Variants in KREMEN1 observed in about 807,000 individuals in gnomAD.
KREMEN1 encodes kremen protein 1.
A neutral mutation model predicts 46.5 loss-of-function variants in KREMEN1; 30 were observed. The observed-to-expected ratio is 0.65, with a 90% confidence interval of 0.48 to 0.88. KREMEN1 has a LOEUF of 0.88. KREMEN1 is among the 40% of genes least tolerant of loss of function. KREMEN1 has a pLI of 0.00. For missense variants in KREMEN1, 533 were observed against 596.9 expected, an observed-to-expected ratio of 0.89 and a Z score of 1.11; for synonymous variants, 214 against 230.6, an observed-to-expected ratio of 0.93 and a Z score of 0.65.
At position 29,133,302 on chromosome 22, in the gene KREMEN1, A is replaced by G. The variant is rs568236916; in HGVS notation, c.632-4040A>G. 1.5e-3 allele frequency among the ~76,000 whole-genome samples: 227 copies of G among 151,370 alleles called. 1 individual carries two copies. Among genetic ancestry groups the G allele is most frequent in the African/African-American group, 5.0e-3 (206 of 41,276 alleles). ...ATTTTATCTTTGGTTTTGGTTTTCA[A>G]CTTTTTTTTTTTTTTGAGACAGGGT... On this transcript the variant is annotated intron_variant, in intron 5 of 8. Transcript: ENST00000400335.
chr22:29,111,946 A>G (rs1385030098), intron 3 of KREMEN1, among the ~76,000 whole-genome samples: 2 of 152,188 alleles, frequency 1.3e-5, no homozygotes, highest in Non-Finnish European at 2.9e-5. Flanking sequence ...AACTCATTCA[A>G]GCTAACTTGA....
intron 9 of KREMEN1, among the ~76,000 whole-genome samples, chr22:29,164,745 TCAAAAAAAAAA>T (rs2039038890): frequency 4.8e-5 from 1 of 20,626 alleles, no homozygotes; most frequent in Admixed American, 6.9e-4. Context: ...AAACTCCATC[TCAAAAAAAAAA>T]CAAAAAAAAA....
chr22:29,132,978 G>A (rs181330663), intron 5 of KREMEN1, among the ~76,000 whole-genome samples: 1 of 152,290 alleles, frequency 6.6e-6, no homozygotes, highest in African/African-American at 2.4e-5. Context: ...GCCGGATGTG[G>A]TGGCTCATGC....
intron 4 of KREMEN1, among the ~76,000 whole-genome samples, chr22:29,123,096 C>T (rs1410416708): frequency 6.6e-6 from 1 of 151,344 alleles, no homozygotes; most frequent in African/African-American, 2.4e-5. Flanking sequence ...AATTATAAAA[C>T]TTCTAGAAGA....
intron 4 of KREMEN1, among the ~76,000 whole-genome samples, chr22:29,122,546 C>G (rs2038372103): frequency 1.3e-5 from 2 of 152,262 alleles, no homozygotes; most frequent in African/African-American, 4.8e-5. Context: ...TAGCTCCAAA[C>G]TGTAAATAAT....
chr22:29,152,982 A>G (rs1396441390), intron 9 of KREMEN1, among the ~76,000 whole-genome samples: 2 of 152,230 alleles, frequency 1.3e-5, no homozygotes, highest in African/African-American at 4.8e-5. Flanking sequence ...ATGATATACT[A>G]AACAAGGGAT....
chr22:29,102,682 G>T lies in KREMEN1; in HGVS notation c.352+3729G>T, dbSNP rs8140459. On this transcript the variant is annotated intron_variant, in intron 3 of 8. Coordinates refer to ENST00000400335, the MANE Select transcript of KREMEN1 (RefSeq NM_001039570.3). ...GAATTATAACAAAATGCTATAAACC[G>T]CTTAGTATGCCTCTAATTTGTAATA... Among the ~76,000 whole-genome samples the T allele has an allele frequency of 8.7e-3, 1,321 of 152,214 alleles. 13 individuals carry two copies. Among genetic ancestry groups the T allele is most frequent in the African/African-American group, 0.03 (1,263 of 41,546 alleles).
At chr22:29,077,845 T>C (rs1234307053) in intron 1 of KREMEN1, among the ~76,000 whole-genome samples, 1 of 152,238 alleles carries the variant, frequency 6.6e-6, no homozygotes, top group Non-Finnish European at 1.5e-5. Flanking sequence ...AACTTTAAGA[T>C]ACATATGGGA....
chr22:29,157,483 A>C (rs1479855591), intron 9 of KREMEN1, among the ~76,000 whole-genome samples: 1 of 152,208 alleles, frequency 6.6e-6, no homozygotes, highest in Non-Finnish European at 1.5e-5. Flanking sequence ...GATTACAGGC[A>C]TGTGCCACCA....
chr22:29,121,243 C>A (rs1412138446), intron 3 of KREMEN1, 114 bp from the exon 4 acceptor site: 1 of 1,210,930 alleles, frequency 8.3e-7, no homozygotes, highest in Non-Finnish European at 1.2e-6. Flanking sequence ...TTTATTTGTA[C>A]CTCAGGAGTG....
chr22:29,109,029 A>G (rs921299105), intron 3 of KREMEN1, among the ~76,000 whole-genome samples: 1 of 152,080 alleles, frequency 6.6e-6, no homozygotes, highest in East Asian at 1.9e-4. Context: ...GGCTCAAGCA[A>G]TCCTCCCACC....
chr22:29,147,187 T>C (rs2038877971), downstream of KREMEN1, among the ~76,000 whole-genome samples: 1 of 152,208 alleles, frequency 6.6e-6, no homozygotes, highest in South Asian at 2.1e-4. Flanking sequence ...TGGAATCTAT[T>C]CCTCAGGAGG....
intron 1 of KREMEN1, among the ~76,000 whole-genome samples, chr22:29,076,816 C>T (rs765802004): frequency 1.3e-5 from 2 of 152,190 alleles, no homozygotes; most frequent in Non-Finnish European, 2.9e-5. Flanking sequence ...CACACCATTG[C>T]ACTCCAGCCT....
At position 29,145,262 on chromosome 22, in the gene KREMEN1, G is replaced by T; in HGVS notation, c.*3150G>T. The stretch of plus-strand genomic sequence containing the variant: ...CTTAGATGAGATAAAGTGGGGGTTG[G>T]AGGTGGCGAAAAGAGGGTAACCCTG... On this transcript the variant is annotated 3_prime_UTR_variant, in exon 9 of 9. Coordinates refer to ENST00000400335, the MANE Select transcript of KREMEN1 (RefSeq NM_001039570.3). 1 of 985,626 alleles carries T rather than the reference G, an allele frequency of 1.0e-6. No homozygotes were observed. The highest frequency in any genetic ancestry group is 1.2e-6 in the Non-Finnish European group (1 of 830,036). The allele number at this position is 985,626 out of a possible 1,614,324, so 61.1% of individuals were successfully genotyped here. A position where few individuals can be genotyped will look rare whatever the true frequency, so the allele number is the denominator to read the frequency against.
chr22:29,106,098 A>T (rs2038055035), intron 3 of KREMEN1, among the ~76,000 whole-genome samples: 1 of 152,240 alleles, frequency 6.6e-6, no homozygotes, highest in African/African-American at 2.4e-5. Context: ...TTTCTCAATT[A>T]TAGAAAATGT....
At chr22:29,158,970 C>CA (rs2038986060) in intron 9 of KREMEN1, among the ~76,000 whole-genome samples, 2 of 152,156 alleles carry the variant, frequency 1.3e-5, no homozygotes, top group Admixed American at 1.3e-4. Context: ...ATGCAGCTGC[C>CA]ACCAAGCTGG....
chr22:29,146,961 A>G (rs1049389152), downstream of KREMEN1: 2 of 197,648 alleles, frequency 1.0e-5, no homozygotes, highest in African/African-American at 4.7e-5. Context: ...AGTGCCTCCA[A>G]ATTTCTTCCA....
chr22:29,074,547 A>G (rs372360417), intron 1 of KREMEN1, among the ~76,000 whole-genome samples: 28 of 152,258 alleles, frequency 1.8e-4, no homozygotes, highest in African/African-American at 6.7e-4. Context: ...AGGGCGTTGC[A>G]TTTCTCTGCA....
intron 3 of KREMEN1, among the ~76,000 whole-genome samples, chr22:29,105,476 C>T (rs1371945380): frequency 2.4e-5 from 3 of 123,334 alleles, no homozygotes; most frequent in African/African-American, 1.1e-4. Flanking sequence ...CACACACACA[C>T]ATACACACAC....
Sources: allele counts gnomAD v4.1 joint callset (sites outside exome capture counted in the v4.1 genomes callset), GRCh38; gene constraint gnomAD v4.1.1; transcripts MANE v1.5; gene names NCBI Gene and HGNC (gene_info 2026-07-23, HGNC 2026-07-21).